The following TYR variants were observed in gnomAD, a reference collection of about 807,000 sequenced individuals.
TYR encodes tyrosinase.
TYR carries 58 observed loss-of-function variants against 51.5 expected under a neutral mutation model. The observed-to-expected ratio is 1.13, with a 90% CI of 0.91 to 1.40. The LOEUF (loss-of-function observed/expected upper bound fraction) is 1.40. Among genes scored for constraint, TYR ranks in the 40% most tolerant of loss-of-function variants. The probability of loss-of-function intolerance (pLI) is 0.00; values close to 1 mark genes in which losing one functional copy is unlikely to be tolerated. For synonymous variants in TYR, 263 were observed against 235.2 expected, an observed-to-expected ratio of 1.12 and a Z score of -1.08; for missense variants, 732 against 647.4, an observed-to-expected ratio of 1.13 and a Z score of -1.42.
chr11:89,271,526 C>A (rs1331091786), intron 3 of TYR, among the ~76,000 whole-genome samples: 2 of 151,878 alleles, frequency 1.3e-5, no homozygotes, highest in East Asian at 3.9e-4. Context: ...AAGTTGTGAT[C>A]TTTTTTCTGG....
chr11:89,216,717 G>T (rs1435649463), intron 2 of TYR, among the ~76,000 whole-genome samples: 1 of 148,142 alleles, frequency 6.8e-6, no homozygotes, highest in Non-Finnish European at 1.5e-5. Flanking sequence ...AGTTGATTTT[G>T]CTCTTATGAA....
chr11:89,225,956 C>T (rs1350172870), intron 2 of TYR, among the ~76,000 whole-genome samples: 1 of 151,950 alleles, frequency 6.6e-6, no homozygotes, highest in African/African-American at 2.4e-5. Context: ...CAAAATATCA[C>T]ATGTACCCCA....
chr11:89,249,484 A>AC (rs1310555940), intron 3 of TYR, among the ~76,000 whole-genome samples: 6 of 151,422 alleles, frequency 4.0e-5, no homozygotes, highest in African/African-American at 7.3e-5. Flanking sequence ...AAAAAAAAAA[A>AC]AAAAAACAGT....
At chr11:89,212,669 C>G (rs745828754) in intron 2 of TYR, among the ~76,000 whole-genome samples, 2 of 152,270 alleles carry the variant, frequency 1.3e-5, no homozygotes, top group South Asian at 2.1e-4. Flanking sequence ...CCCTGATGAA[C>G]ATCGATGCGA....
chr11:89,277,124 G>T (rs2135318912), intron 3 of TYR, among the ~76,000 whole-genome samples: 1 of 151,752 alleles, frequency 6.6e-6, no homozygotes, highest in African/African-American at 2.4e-5. Context: ...TGAGCACACT[G>T]AGGCTTAGAG....
At chr11:89,212,395 T>C (rs1943770775) in intron 2 of TYR, among the ~76,000 whole-genome samples, 1 of 152,086 alleles carries the variant, frequency 6.6e-6, no homozygotes, top group African/African-American at 2.4e-5. Flanking sequence ...AGGAAGAAGT[T>C]GAATCTCTGA....
chr11:89,243,168 T>C (rs1944222259), intron 3 of TYR, among the ~76,000 whole-genome samples: 1 of 152,236 alleles, frequency 6.6e-6, no homozygotes, highest in African/African-American at 2.4e-5. Flanking sequence ...AGTGCTTTAT[T>C]GGGGTTTAGA....
chr11:89,239,652 TA>T (rs1384746937), intron 3 of TYR, among the ~76,000 whole-genome samples: 1 of 152,130 alleles, frequency 6.6e-6, no homozygotes, highest in Non-Finnish European at 1.5e-5. Flanking sequence ...GTATTTGAAA[TA>T]TTTTTTGTTA....
chr11:89,232,801 T>C (rs1420124720), intron 3 of TYR, among the ~76,000 whole-genome samples: 1 of 143,678 alleles, frequency 7.0e-6, no homozygotes, highest in Non-Finnish European at 1.5e-5. Context: ...GCAATTTATA[T>C]ACCTTAATTT....
At chr11:89,219,447 C>T (rs1943879158) in intron 2 of TYR, among the ~76,000 whole-genome samples, 1 of 151,910 alleles carries the variant, frequency 6.6e-6, no homozygotes, top group Admixed American at 6.6e-5. Flanking sequence ...CAGACATGCA[C>T]CATCACCCCT....
intron 2 of TYR, among the ~76,000 whole-genome samples, chr11:89,207,475 T>G (rs1943686827): frequency 2.0e-5 from 3 of 152,146 alleles, no homozygotes; most frequent in Admixed American, 2.0e-4. Flanking sequence ...AATTGGTAAT[T>G]TTAAAACTAC....
intron 1 of TYR, among the ~76,000 whole-genome samples, chr11:89,188,680 T>C (rs1197891205): frequency 1.3e-5 from 2 of 152,022 alleles, no homozygotes; most frequent in East Asian, 3.9e-4. Flanking sequence ...CTAAAGTGGG[T>C]AAGGCTGAAT....
chr11:89,179,900 A>G (rs1053894536), intron 1 of TYR, among the ~76,000 whole-genome samples: 1 of 152,196 alleles, frequency 6.6e-6, no homozygotes, highest in Non-Finnish European at 1.5e-5. Flanking sequence ...AATTTCTAAT[A>G]CAGCACTTTT....
In TYR at chr11:89,295,430, G is replaced by C. The variant is rs532220550; in HGVS notation, c.*64G>C. ...TCACTCTAACTCAAAGTAATGTCCA[G>C]GTTCCCAGAGAATATCTGCTGGTAT... is the stretch of plus-strand genomic sequence containing the variant. On this transcript the variant is annotated 3_prime_UTR_variant, in exon 5 of 5. Transcript: ENST00000263321. 7 of 1,544,576 alleles carry C rather than the reference G, an allele frequency of 4.5e-6. No individual in the cohort carries two copies. In the East Asian group the frequency reaches 1.4e-4, roughly 30 times the overall value.
chr11:89,272,561 G>A (rs1590892787), intron 3 of TYR, among the ~76,000 whole-genome samples: 1 of 151,862 alleles, frequency 6.6e-6, no homozygotes, highest in African/African-American at 2.4e-5. Context: ...GGCTTCAACT[G>A]AATAAGCACT....
At chr11:89,258,457 A>C (rs915152565) in intron 3 of TYR, among the ~76,000 whole-genome samples, 2 of 151,970 alleles carry the variant, frequency 1.3e-5, no homozygotes, top group African/African-American at 4.8e-5. Flanking sequence ...CAAAAAAAAA[A>C]AAAGTGAAAT....
At chr11:89,195,093 C>T (rs977116581) in intron 2 of TYR, among the ~76,000 whole-genome samples, 5 of 152,116 alleles carry the variant, frequency 3.3e-5, no homozygotes, top group African/African-American at 1.2e-4. Context: ...GCAGTGAGGA[C>T]AGTAGGACTT....
In TYR at chr11:89,262,608, G is replaced by GA. The variant is rs1465587522; in HGVS notation, c.1185-22152dup. 6.7e-3 allele frequency among the ~76,000 whole-genome samples: 754 copies of GA among 113,126 alleles called. 1 individual carries two copies. Among genetic ancestry groups the GA allele is most frequent in the African/African-American group, 0.023 (687 of 30,080 alleles). 74.2% of individuals were successfully genotyped at this position (113,126 alleles called of 152,430 possible). On this transcript the variant is annotated intron_variant, in intron 3 of 4. Coordinates refer to ENST00000263321, the MANE Select transcript of TYR (RefSeq NM_000372.5). The stretch of plus-strand genomic sequence containing the variant: ...ACAAACATTTAGCTAGACTGGCCAA[G>GA]AAAAAAAAAAAAAGAAGATTCAAAT...
At chr11:89,216,917 G>T (rs1404413015) in intron 2 of TYR, among the ~76,000 whole-genome samples, 3 of 152,076 alleles carry the variant, frequency 2.0e-5, no homozygotes, top group Non-Finnish European at 2.9e-5. Context: ...AACAGACATG[G>T]TAACATTTAG....
Sources: gnomAD v4.1 joint callset for allele counts (sites outside exome capture counted in the v4.1 genomes callset) on GRCh38, gnomAD v4.1.1 for gene constraint, MANE v1.5 for transcripts, NCBI Gene and HGNC (gene_info 2026-07-23, HGNC 2026-07-21) for gene names.